The following SRL variants were observed in gnomAD, a reference collection of about 807,000 sequenced individuals.
SRL encodes sarcalumenin.
SRL carries 23 observed loss-of-function variants against 39.5 expected under a neutral mutation model. The observed-to-expected ratio is 0.58, with a 90% CI of 0.42 to 0.82. SRL has a LOEUF of 0.82. Ranked by LOEUF, SRL falls within the 40% of genes least tolerant of loss-of-function variation. SRL has a pLI of 0.00. For missense variants in SRL, 592 were observed against 607.8 expected, an observed-to-expected ratio of 0.97 and a Z score of 0.27; for synonymous variants, 272 against 237.4, an observed-to-expected ratio of 1.15 and a Z score of -1.34.
chr16:4,207,033 G>A (rs1004425707), intron 1 of SRL: 3 of 452,870 alleles, frequency 6.6e-6, no homozygotes, highest in Non-Finnish European at 1.3e-5. Context: ...GCCTTCCTGG[G>A]ACTCCTCGGC....
intron 1 of SRL, among the ~76,000 whole-genome samples, chr16:4,240,350 C>A (rs1337457424): frequency 6.6e-6 from 1 of 152,140 alleles, no homozygotes; most frequent in East Asian, 1.9e-4. Flanking sequence ...CGTGAGGAAG[C>A]CACCTTGTGG....
chr16:4,207,251 A>G (rs895894079), intron 1 of SRL: 1 of 456,948 alleles, frequency 2.2e-6, no homozygotes, highest in South Asian at 1.5e-5. Flanking sequence ...AGGAGGCTTC[A>G]TCTGCGTCCT....
At chr16:4,224,994 G>C (rs79096728) in intron 1 of SRL, among the ~76,000 whole-genome samples, 1 of 152,158 alleles carries the variant, frequency 6.6e-6, no homozygotes, top group Non-Finnish European at 1.5e-5. Context: ...CTGGACACAA[G>C]AGACCACATC....
intron 1 of SRL, among the ~76,000 whole-genome samples, chr16:4,209,700 C>T (rs551113052): frequency 4.6e-5 from 7 of 152,294 alleles, no homozygotes; most frequent in Admixed American, 4.6e-4. Flanking sequence ...AAGCTTGGTG[C>T]CTTTTATTAT....
chr16:4,238,638 T>TC (rs1162849873), intron 1 of SRL, among the ~76,000 whole-genome samples: 1 of 151,510 alleles, frequency 6.6e-6, no homozygotes, highest in Non-Finnish European at 1.5e-5. Context: ...TTTTTTTTTT[T>TC]CCTTGAGACA....
chr16:4,201,718 C>T (rs1159733135), intron 3 of SRL, among the ~76,000 whole-genome samples: 1 of 137,422 alleles, frequency 7.3e-6, no homozygotes, highest in Non-Finnish European at 1.5e-5. Flanking sequence ...TGCAGTGGCA[C>T]AATCTCAGCT....
intron 1 of SRL, among the ~76,000 whole-genome samples, chr16:4,213,155 T>G (rs530668220): frequency 6.6e-6 from 1 of 152,280 alleles, no homozygotes; most frequent in South Asian, 2.1e-4. Context: ...TCCATAGAAG[T>G]GACTCATGGG....
intron 2 of SRL, 62 bp from the exon 3 acceptor site, chr16:4,203,323 T>C (rs916074096): frequency 1.2e-5 from 17 of 1,410,608 alleles, no homozygotes; most frequent in South Asian, 5.8e-5. Context: ...AGCTCCTCCA[T>C]TGTGGAGGGG....
At chr16:4,223,387 T>TA (rs1418910386) in intron 1 of SRL, among the ~76,000 whole-genome samples, 45 of 143,914 alleles carry the variant, frequency 3.1e-4, no homozygotes, top group African/African-American at 1.1e-3. Flanking sequence ...CACCTTTTTT[T>TA]TATTTTAAGA....
chr16:4,224,721 A>AG (rs2052568351), intron 1 of SRL, among the ~76,000 whole-genome samples: 1 of 151,512 alleles, frequency 6.6e-6, no homozygotes. Flanking sequence ...CCCTATCTCG[A>AG]GAAAAAAAAA....
At chr16:4,231,698 C>T (rs2141067697) in intron 1 of SRL, among the ~76,000 whole-genome samples, 1 of 152,248 alleles carries the variant, frequency 6.6e-6, no homozygotes, top group East Asian at 1.9e-4. Flanking sequence ...CAGAGAATCC[C>T]AAGGATATTA....
chr16:4,208,618 G>C (rs1255758271), intron 1 of SRL, among the ~76,000 whole-genome samples: 1 of 152,204 alleles, frequency 6.6e-6, no homozygotes, highest in African/African-American at 2.4e-5. Context: ...ACTGCTCTCA[G>C]CGAAGGAGTG....
chr16:4,229,072 C>A (rs1427545166), intron 1 of SRL, among the ~76,000 whole-genome samples: 1 of 152,060 alleles, frequency 6.6e-6, no homozygotes, highest in African/African-American at 2.4e-5. Flanking sequence ...GACACAGAAT[C>A]AACCCAGATG....
At chr16:4,205,614 A>G (rs1298922759) in intron 1 of SRL, among the ~76,000 whole-genome samples, 1 of 152,040 alleles carries the variant, frequency 6.6e-6, no homozygotes, top group Admixed American at 6.6e-5. Flanking sequence ...GTTCTGCAAA[A>G]GCCCCAGACG....
chr16:4,229,388 T>C (rs1008028631), intron 1 of SRL, among the ~76,000 whole-genome samples: 1 of 151,888 alleles, frequency 6.6e-6, no homozygotes, highest in Non-Finnish European at 1.5e-5. Flanking sequence ...AGGCGGAGCT[T>C]GCAGTGAGCC....
At position 4,195,774 on chromosome 16, in the gene SRL, G is replaced by C. The variant is rs2141023064; in HGVS notation, c.389C>G (p.Thr130Ser). 2 of 1,613,912 alleles carry C rather than the reference G, an allele frequency of 1.2e-6. No individual in the cohort carries two copies. Among genetic ancestry groups the C allele is most frequent in the Non-Finnish European group, 1.7e-6 (2 of 1,179,898 alleles). ...CATGAGGACCGTGAACTCAGAGGTGGTGGGTTCAGCGCCTGGGCACACGGG... is the reference window on the plus strand; with the variant it reads ...CATGAGGACCGTGAACTCAGAGGTGCTGGGTTCAGCGCCTGGGCACACGGG... ...RYQLYTGAEP[T>S]TSEFTVLMHG... is the part of the protein sequence containing the mutation. Residue 130 changes from threonine (T) to serine (S), a missense_variant, in exon 5 of 6, where the codon ACC (threonine) becomes AGC (serine). Thr to Ser is a moderately conservative substitution (Grantham distance 58). Coordinates refer to ENST00000399609, the MANE Select transcript of SRL (RefSeq NM_001098814.2).
chr16:4,241,569 C>G (rs531539574), intron 1 of SRL, among the ~76,000 whole-genome samples: 1 of 152,252 alleles, frequency 6.6e-6, no homozygotes, highest in Non-Finnish European at 1.5e-5. Flanking sequence ...CTTCTGTCCA[C>G]GCAAACCCAG....
chr16:4,224,690 C>G (rs566898328), intron 1 of SRL, among the ~76,000 whole-genome samples: 1 of 151,022 alleles, frequency 6.6e-6, no homozygotes, highest in African/African-American at 2.4e-5. Context: ...ACTGCACTCT[C>G]GCCTGGGCAA....
chr16:4,236,255 G>C (rs1452611135), intron 1 of SRL, among the ~76,000 whole-genome samples: 1 of 152,048 alleles, frequency 6.6e-6, no homozygotes, highest in Admixed American at 6.6e-5. Context: ...TCATTGGTCA[G>C]TGACCTCCTG....
Sources: allele counts gnomAD v4.1 joint callset (sites outside exome capture counted in the v4.1 genomes callset), GRCh38; gene constraint gnomAD v4.1.1; transcripts MANE v1.5; gene names NCBI Gene and HGNC (gene_info 2026-07-23, HGNC 2026-07-21).